The following KANK1 variants were observed in gnomAD, a reference collection of about 807,000 sequenced individuals.
KANK1 encodes the protein KN motif and ankyrin repeat domain-containing protein 1.
A neutral mutation model predicts 106.2 loss-of-function variants in KANK1; 109 were observed. That is an observed-to-expected ratio of 1.03 (90% confidence interval 0.88 to 1.20). The LOEUF (loss-of-function observed/expected upper bound fraction) is 1.20. Ranked by LOEUF, KANK1 falls within the 50% of genes most tolerant of loss-of-function variation. The pLI, the probability that KANK1 is intolerant of heterozygous loss-of-function variation, is 0.00. For missense variants in KANK1, 2,399 were observed against 1,710.7 expected, an observed-to-expected ratio of 1.40 and a Z score of -7.10; for synonymous variants, 873 against 652.2, an observed-to-expected ratio of 1.34 and a Z score of -5.16.
At chr9:710,417 A>ACCT (rs1825626098) in intron 2 of KANK1, among the ~76,000 whole-genome samples, 2 of 152,074 alleles carry the variant, frequency 1.3e-5, no homozygotes, top group Admixed American at 1.3e-4. Context: ...CAGGAGTTCG[A>ACCT]GACCAGCCTG....
rs1816165594 is a variant in KANK1 at position 675,282 on chromosome 9, A to G, written c.-83-1608A>G. On this transcript the variant is annotated intron_variant, in intron 1 of 11. Transcript: ENST00000382297. Reference sequence around the variant, plus strand: ...TGCATTAGAATTAGTGTATACAGATATTATTTTGGCATTCTGTTGTTAAGA... The same window carrying G: ...TGCATTAGAATTAGTGTATACAGATGTTATTTTGGCATTCTGTTGTTAAGA... Among the ~76,000 whole-genome samples, 3 of 152,110 alleles carry G rather than the reference A, an allele frequency of 2.0e-5. No individual in the cohort carries two copies. In the South Asian group the frequency reaches 6.2e-4, roughly 32 times the overall value.
chr9:517,823 C>T (rs1011468494), intron 1 of KANK1, among the ~76,000 whole-genome samples: 4 of 150,568 alleles, frequency 2.7e-5, no homozygotes, highest in Admixed American at 1.3e-4. Context: ...ACTGGACCCT[C>T]CGCCTCCCAG....
intron 1 of KANK1, among the ~76,000 whole-genome samples, chr9:599,020 A>ATT (rs71314718): frequency 2.3e-5 from 3 of 130,194 alleles, no homozygotes; most frequent in Non-Finnish European, 3.2e-5. Context: ...TATTATTATT[A>ATT]TTTTTTTTTT....
At position 719,743 on chromosome 9, in the gene KANK1, AT is replaced by A. The variant is rs992509466; in HGVS notation, c.2698+6289del. Among the ~76,000 whole-genome samples the A allele has an allele frequency of 8.6e-3, 1,282 of 149,932 alleles. 20 individuals are homozygous for A. Among genetic ancestry groups the A allele is most frequent in the African/African-American group, 0.029 (1,179 of 40,850 alleles). On this transcript the variant is annotated intron_variant, in intron 3 of 11. Coordinates refer to ENST00000382297, the MANE Select transcript of KANK1 (RefSeq NM_015158.5). ...ACCCATTCAGCTCTAGTTTTGGGTG[AT>A]TTTTTTTTTCTTTTTTTAAGAGATG...
intron 1 of KANK1, among the ~76,000 whole-genome samples, chr9:516,349 A>G (rs1190379222): frequency 3.3e-5 from 5 of 151,776 alleles, no homozygotes; most frequent in Admixed American, 6.6e-5. Flanking sequence ...GTTGAGAGAC[A>G]TGATTGAAGA....
chr9:551,884 C>CAA (rs536772524), intron 1 of KANK1, among the ~76,000 whole-genome samples: 57 of 120,850 alleles, frequency 4.7e-4, no homozygotes, highest in Middle Eastern at 4.0e-3. Context: ...CTTGTTTCTA[C>CAA]AAAAAAAAAA....
Position 711,635 on chromosome 9 carries a change from A to C in KANK1, c.869A>C (p.Lys290Thr), listed in dbSNP as rs1217883512. ...CGAACCATCCCTGTGCTCCAGGTAA[A>C]GATCTCTGTCTTGCAAGAAGAGAAA... ...QVRTIPVLQV[K>T]ISVLQEEKRQ... Residue 290 changes from lysine (K) to threonine (T), a missense_variant, in exon 3 of 12, where the codon AAG becomes ACG. Physicochemically the swap from Lys to Thr is moderately conservative, Grantham distance 78. Transcript: ENST00000382297. 1.2e-6 allele frequency: 2 copies of C among 1,614,006 alleles called. No individual in the cohort carries two copies. The highest frequency in any genetic ancestry group is 2.7e-5 in the African/African-American group (2 of 74,900).
intron 8 of KANK1, 80 bp downstream of exon 8, chr9:738,584 C>G: frequency 9.4e-7 from 1 of 1,069,446 alleles, no homozygotes; most frequent in Non-Finnish European, 1.4e-6. Context: ...GGTTGAGCCA[C>G]TCCTGAATTC....
At chr9:565,836 C>T (rs957301399) in intron 1 of KANK1, among the ~76,000 whole-genome samples, 12 of 152,310 alleles carry the variant, frequency 7.9e-5, no homozygotes, top group African/African-American at 1.9e-4. Flanking sequence ...AGAACAATGG[C>T]TGGTTATCAT....
chr9:530,085 C>G (rs1166814720), intron 1 of KANK1, among the ~76,000 whole-genome samples: 3 of 152,144 alleles, frequency 2.0e-5, no homozygotes, highest in African/African-American at 7.2e-5. Context: ...TTTCTGCGAA[C>G]TGTTCATATC....
Position 713,387 on chromosome 9 carries a change from A to G in KANK1, c.2621A>G (p.Asn874Ser), listed in dbSNP as rs774972283. 4 of 1,613,672 alleles carry G rather than the reference A, an allele frequency of 2.5e-6. No individual in the cohort carries two copies. The highest frequency in any genetic ancestry group is 2.2e-5 in the East Asian group (1 of 44,888). The change falls in exon 3 of 12, where the codon AAC (asparagine) becomes AGC (serine). Residue 874 changes from asparagine to serine, a missense_variant. Transcript: ENST00000382297. Reference protein sequence around the residue: ...SQLISTLSSINSVMKSASTEE... With the variant: ...SQLISTLSSISSVMKSASTEE... Reference sequence around the variant, plus strand: ...CTCATCAGCACCCTGTCGTCTATCAACTCTGTCATGAAATCTGCAAGCACT... The same window carrying G: ...CTCATCAGCACCCTGTCGTCTATCAGCTCTGTCATGAAATCTGCAAGCACT...
intron 1 of KANK1, among the ~76,000 whole-genome samples, chr9:525,554 A>AC: frequency 6.8e-6 from 1 of 147,962 alleles, no homozygotes; most frequent in East Asian, 2.0e-4. Flanking sequence ...TAATTTTTGT[A>AC]TTTTTTTAGT....
At chr9:632,674 G>T (rs932756765) in intron 1 of KANK1, among the ~76,000 whole-genome samples, 1 of 152,022 alleles carries the variant, frequency 6.6e-6, no homozygotes, top group Admixed American at 6.6e-5. Context: ...ATGAGATAAT[G>T]AGAGTGGTGT....
intron 1 of KANK1, among the ~76,000 whole-genome samples, chr9:574,267 C>G (rs571727731): frequency 6.6e-6 from 1 of 152,344 alleles, no homozygotes; most frequent in East Asian, 1.9e-4. Context: ...CCCCAGCGGT[C>G]TTTACTGAAA....
At chr9:503,449 A>G (rs2058604824), upstream of KANK1, among the ~76,000 whole-genome samples, 1 of 152,188 alleles carries the variant, frequency 6.6e-6, no homozygotes, top group South Asian at 2.1e-4. Context: ...GTCAGGAGCC[A>G]TCAAGTTCAG....
chr9:724,313 CAG>C (rs1405809377), intron 3 of KANK1, among the ~76,000 whole-genome samples: 1 of 152,086 alleles, frequency 6.6e-6, no homozygotes, highest in Non-Finnish European at 1.5e-5. Flanking sequence ...AGGGAGTTAT[CAG>C]GGAAACCAGA....
chr9:696,112 G>A (rs184932390), intron 2 of KANK1, among the ~76,000 whole-genome samples: 4 of 152,166 alleles, frequency 2.6e-5, no homozygotes, highest in East Asian at 1.9e-4. Flanking sequence ...GTGAAACGCC[G>A]TCTCTACTAA....
intron 1 of KANK1, among the ~76,000 whole-genome samples, chr9:576,972 G>A (rs1022213034): frequency 6.6e-6 from 1 of 152,154 alleles, no homozygotes; most frequent in Admixed American, 6.5e-5. Context: ...GGTGTGTCCG[G>A]AGTTTGTTCC....
chr9:584,360 G>A (rs1328492980), intron 1 of KANK1, among the ~76,000 whole-genome samples: 1 of 152,160 alleles, frequency 6.6e-6, no homozygotes, highest in African/African-American at 2.4e-5. Flanking sequence ...GTTCAACAAA[G>A]TGCTAATTAT....
Sources: gnomAD v4.1 joint callset for allele counts (sites outside exome capture counted in the v4.1 genomes callset) on GRCh38, gnomAD v4.1.1 for gene constraint, MANE v1.5 for transcripts, NCBI Gene and HGNC (gene_info 2026-07-23, HGNC 2026-07-21) for gene names.